Variants in F13B observed in about 807,000 individuals in gnomAD.
F13B encodes the protein TGase.
F13B carries 58 observed loss-of-function variants against 79.8 expected under a neutral mutation model. The ratio of observed to expected loss-of-function variants is 0.73; its 90% CI spans 0.59 to 0.90. F13B has a LOEUF of 0.90. Ranked by LOEUF, F13B falls within the 40% of genes least tolerant of loss-of-function variation. The pLI is 0.00. For synonymous variants in F13B, 283 were observed against 260.3 expected (o/e 1.09, Z -0.84); for missense variants, 773 against 777.0 (o/e 0.99, Z 0.06).
In F13B at chr1:197,061,892, G is replaced by A. The variant is rs773706837; in HGVS notation, c.343C>T (p.Arg115Cys). 1 of 1,612,618 alleles carries A rather than the reference G, an allele frequency of 6.2e-7. No individual in the cohort carries two copies. Among genetic ancestry groups the A allele is most frequent in the South Asian group, 1.1e-5 (1 of 91,040 alleles). Reference protein sequence around the residue: ...KLLYKIQENMRYGCASGYKTT... With the variant: ...KLLYKIQENMCYGCASGYKTT... ...TTGTACCCTGAAGCGCAACCATAAC[G>A]CATGTTCTCTTGAATTTTATACAAT... Residue 115 changes from arginine (R) to cysteine (C), a missense_variant, in exon 3 of 12, where the codon CGT becomes TGT. Coordinates refer to ENST00000367412, the MANE Select transcript of F13B (RefSeq NM_001994.3).
At chr1:197,064,166 G>C (rs980553624) in intron 1 of F13B, among the ~76,000 whole-genome samples, 1 of 152,136 alleles carries the variant, frequency 6.6e-6, no homozygotes, top group African/African-American at 2.4e-5. Flanking sequence ...CTCAATGATT[G>C]TGAAGAAGTG....
intron 3 of F13B, 134 bp from the exon 4 acceptor site, chr1:197,061,209 A>C (rs1214845040): frequency 1.6e-5 from 8 of 503,952 alleles, no homozygotes; most frequent in African/African-American, 1.2e-4. Flanking sequence ...AAATAGCCCC[A>C]ATTTTTCTTT....
chr1:197,045,991 A>G (rs146579933), intron 10 of F13B, among the ~76,000 whole-genome samples: 3 of 152,310 alleles, frequency 2.0e-5, no homozygotes, highest in African/African-American at 7.2e-5. Context: ...CTCTCAATAA[A>G]CAAGGTATTG....
intron 9 of F13B, among the ~76,000 whole-genome samples, chr1:197,052,322 T>A (rs1029949620): frequency 6.6e-6 from 1 of 152,024 alleles, no homozygotes; most frequent in Non-Finnish European, 1.5e-5. Flanking sequence ...ACACTGCTGA[T>A]GGGAATGTAA....
At chr1:197,039,581 G>A (rs1654962117) in intron 11 of F13B, among the ~76,000 whole-genome samples, 170 bp from the exon 12 acceptor site, 1 of 151,912 alleles carries the variant, frequency 6.6e-6, no homozygotes, top group Non-Finnish European at 1.5e-5. Flanking sequence ...TTTTAAAAAT[G>A]CAATATTATT....
In F13B at chr1:197,052,736, C is replaced by A. The variant is rs770978655; in HGVS notation, c.1453G>T (p.Val485Leu). The A allele has an allele frequency of 5.6e-6, 9 of 1,611,378 alleles. No homozygotes were observed. The highest frequency in any genetic ancestry group is 1.7e-5 in the Admixed American group (1 of 59,840). Residue 485 changes from valine to leucine, a missense_variant, in exon 9 of 12, where the codon GTA becomes TTA. Val to Leu is a conservative substitution (Grantham distance 32). Coordinates refer to ENST00000367412, the MANE Select transcript of F13B (RefSeq NM_001994.3). ...GATAAGTCATATCCCTGTTTACATA[C>A]AAAATCTATTAAATCTCCATGTAAG... ...KVLHGDLIDF[V>L]CKQGYDLSPL...
Position 197,060,465 on chromosome 1 carries a change from C to T in F13B, c.706G>A (p.Val236Ile). Reference sequence around the variant, plus strand: ...TTTTCATGACAGAAAAACTGAACGACATCTCCTTCTTCATAGGTTTGCTTT... The same window carrying T: ...TTTTCATGACAGAAAAACTGAACGATATCTCCTTCTTCATAGGTTTGCTTT... ...PVKQTYEEGD[V>I]VQFFCHENYY... Residue 236 changes from valine (V) to isoleucine (I), a missense_variant, in exon 5 of 12, where the codon GTC (valine) becomes ATC (isoleucine). Transcript: ENST00000367412. The T allele has an allele frequency of 6.2e-7, 1 of 1,608,456 alleles. No individual in the cohort carries two copies. The highest frequency in any genetic ancestry group is 8.5e-7 in the Non-Finnish European group (1 of 1,176,442).
intron 1 of F13B, 45 bp downstream of exon 1, chr1:197,067,115 A>G: frequency 8.7e-7 from 1 of 1,152,180 alleles, no homozygotes; most frequent in Non-Finnish European, 1.3e-6. Context: ...TAGAATCTCC[A>G]TTTGTATGTT....
intron 3 of F13B, among the ~76,000 whole-genome samples, chr1:197,061,557 T>C (rs1021956633): frequency 1.3e-5 from 2 of 152,122 alleles, no homozygotes; most frequent in African/African-American, 2.4e-5. Flanking sequence ...ATTCCTTTTA[T>C]TGATGCAAAG....
chr1:197,067,241 A>T lies in F13B; in HGVS notation c.-18T>A. Reference sequence around the variant, plus strand: ...AACCTCATCTTCAGTGGTGTGCTTCACAAAGATTTTAACAATTCTAAGCAC... The same window carrying T: ...AACCTCATCTTCAGTGGTGTGCTTCTCAAAGATTTTAACAATTCTAAGCAC... On this transcript the variant is annotated 5_prime_UTR_variant, in exon 1 of 12. Transcript: ENST00000367412. 1 of 1,593,476 alleles carries T rather than the reference A, an allele frequency of 6.3e-7. No homozygotes were observed.
chr1:197,056,876 A>G, intron 7 of F13B, 137 bp downstream of exon 7: 1 of 779,612 alleles, frequency 1.3e-6, no homozygotes, highest in South Asian at 1.6e-5. Flanking sequence ...TGCAAAGCAG[A>G]AGAGTAGGTG....
In F13B at chr1:197,057,067, A is replaced by T. The variant is rs778460584; in HGVS notation, c.1117T>A (p.Ser373Thr). 19 of 1,613,804 alleles carry T rather than the reference A, an allele frequency of 1.2e-5. No individual in the cohort carries two copies. Among genetic ancestry groups the T allele is most frequent in the Non-Finnish European group, 1.5e-5 (18 of 1,179,902 alleles). Residue 373 changes from serine to threonine, a missense_variant, in exon 7 of 12, where the codon TCG becomes ACG. Physicochemically the swap from Ser to Thr is moderately conservative, Grantham distance 58. Coordinates refer to ENST00000367412, the MANE Select transcript of F13B (RefSeq NM_001994.3). ...ACKSGYLLHG[S>T]NEITCNRGKW... Reference sequence around the variant, plus strand: ...CCACGATTACAAGTTATCTCATTCGATCCATGGAGAAGGTAGCCGCTTTTA... The same window carrying T: ...CCACGATTACAAGTTATCTCATTCGTTCCATGGAGAAGGTAGCCGCTTTTA...
At chr1:197,045,416 T>A (rs1655192514) in intron 10 of F13B, among the ~76,000 whole-genome samples, 1 of 151,994 alleles carries the variant, frequency 6.6e-6, no homozygotes, top group Admixed American at 6.6e-5. Flanking sequence ...CTAGAAGAAA[T>A]GGACAAATTC....
At chr1:197,039,932 T>C (rs857024) in intron 11 of F13B, among the ~76,000 whole-genome samples, 46,254 of 151,962 alleles carry the variant, frequency 0.3, 8,820 homozygotes, top group Middle Eastern at 0.45. Flanking sequence ...TTTTTATATA[T>C]AGTGTCTTCA....
intron 10 of F13B, among the ~76,000 whole-genome samples, chr1:197,046,991 C>G (rs1655257190): frequency 6.6e-6 from 1 of 152,100 alleles, no homozygotes; most frequent in Admixed American, 6.6e-5. Flanking sequence ...CTTCCTTATA[C>G]CTTATACAAA....
At chr1:197,046,984 C>T (rs534021861) in intron 10 of F13B, among the ~76,000 whole-genome samples, 2 of 152,164 alleles carry the variant, frequency 1.3e-5, no homozygotes, top group East Asian at 1.9e-4. Flanking sequence ...TGGATCACTT[C>T]CTTATACCTT....
In F13B at chr1:197,040,701, C is replaced by G. The variant is rs368242266; in HGVS notation, c.1773G>C (p.Lys591Asn). 6.2e-7 allele frequency: 1 copy of G among 1,612,190 alleles called. No homozygotes were observed. Among genetic ancestry groups the G allele is most frequent in the South Asian group, 1.1e-5 (1 of 90,984 alleles). Residue 591 changes from lysine to asparagine, a missense_variant, in exon 11 of 12, where the codon AAG becomes AAC. Transcript: ENST00000367412. ...AATCCCATTTCAGAAGTAAATTATT[C>G]TTTTCCATTTCAGTAAAAGATAATG... ...PCTLSFTEMEKNNLLLKWDFD... is the reference protein window; with the variant it reads ...PCTLSFTEMENNNLLLKWDFD...
intron 4 of F13B, 51 bp downstream of exon 4, chr1:197,060,848 G>A: frequency 6.5e-7 from 1 of 1,529,274 alleles, no homozygotes; most frequent in Non-Finnish European, 9.1e-7. Context: ...ACTTCTCTAT[G>A]AGAAAAAGCT....
At chr1:197,061,292 A>G (rs917526335) in intron 3 of F13B, among the ~76,000 whole-genome samples, 1 of 152,068 alleles carries the variant, frequency 6.6e-6, no homozygotes, top group African/African-American at 2.4e-5. Flanking sequence ...TCTAGTCTAC[A>G]AGTGCTTGAC....
Sources: allele counts gnomAD v4.1 joint callset (sites outside exome capture counted in the v4.1 genomes callset), GRCh38; gene constraint gnomAD v4.1.1; transcripts MANE v1.5; gene names NCBI Gene and HGNC (gene_info 2026-07-23, HGNC 2026-07-21).